Variants in BNIP3L observed in about 807,000 individuals in gnomAD.
BNIP3L encodes the protein BCL2 interacting protein 3 like, also known as BCL2/adenovirus E1B 19 kDa protein-interacting protein 3-like.
BNIP3L carries 10 observed loss-of-function variants against 25.5 expected under a neutral mutation model. That is an observed-to-expected ratio of 0.39 (90% CI 0.24 to 0.67). The LOEUF (loss-of-function observed/expected upper bound fraction) is 0.67. Among genes scored for constraint, BNIP3L ranks in the 30% least tolerant of loss-of-function variants. The pLI, the probability that BNIP3L is intolerant of heterozygous loss-of-function variation, is 0.45. For synonymous variants in BNIP3L, 113 were observed against 101.2 expected, an observed-to-expected ratio of 1.12 and a Z score of -0.70; for missense variants, 215 against 270.9, an observed-to-expected ratio of 0.79 and a Z score of 1.45.
intron 1 of BNIP3L, among the ~76,000 whole-genome samples, chr8:26,388,739 G>A (rs1806043750): frequency 6.6e-6 from 1 of 152,112 alleles, no homozygotes; most frequent in Non-Finnish European, 1.5e-5. Context: ...GGGAGGCTGA[G>A]GTGGGAGGAT....
intron 1 of BNIP3L, chr8:26,390,314 T>G: frequency 1.0e-6 from 1 of 969,348 alleles, no homozygotes; most frequent in Non-Finnish European, 1.2e-6. Context: ...GACCAATAAA[T>G]ATTTTCAAGA....
chr8:26,409,096 A>G (rs1368083868), intron 5 of BNIP3L, among the ~76,000 whole-genome samples: 1 of 151,876 alleles, frequency 6.6e-6, no homozygotes, highest in African/African-American at 2.4e-5. Context: ...AGTTTTTTTT[A>G]ATGAAACTGG....
chr8:26,401,424 G>A (rs76673604), intron 3 of BNIP3L, among the ~76,000 whole-genome samples: 9,561 of 151,340 alleles, frequency 0.063, 462 homozygotes, highest in East Asian at 0.25. Flanking sequence ...GGTGGGGAGC[G>A]GGGAGGGGGG....
At chr8:26,383,637 A>T in intron 1 of BNIP3L, 1 of 239,914 alleles carries the variant, frequency 4.2e-6, no homozygotes, top group Non-Finnish European at 6.0e-6. Flanking sequence ...ACGCCGGGGG[A>T]TGGACGCGCG....
rs549747872 is a variant in BNIP3L, at chr8:26,391,223, T to A, written c.101-20T>A. On this transcript the variant is annotated intron_variant, in intron 1 of 5. Transcript: ENST00000380629. ...AGATTTCAGTTCTGCTGTGGTTAACTTATCTGACTTGTCCAACAGGTTCCT... is the reference window on the plus strand; with the variant it reads ...AGATTTCAGTTCTGCTGTGGTTAACATATCTGACTTGTCCAACAGGTTCCT... The A allele has an allele frequency of 1.4e-5, 22 of 1,556,692 alleles. No homozygotes were observed. In the East Asian group the frequency reaches 4.7e-4, roughly 33 times the overall value.
At chr8:26,383,376 C>A (rs1805899978) in intron 1 of BNIP3L, 146 bp downstream of exon 1, 6 of 1,456,944 alleles carry the variant, frequency 4.1e-6, no homozygotes, top group African/African-American at 1.4e-5. Context: ...AGCTCCCGTC[C>A]CCTGTCAAGA....
At chr8:26,400,006 T>G (rs1806333374) in intron 3 of BNIP3L, among the ~76,000 whole-genome samples, 1 of 151,336 alleles carries the variant, frequency 6.6e-6, no homozygotes, top group African/African-American at 2.4e-5. Context: ...AATTTACAGA[T>G]TCAGTGCCAT....
chr8:26,395,091 T>C, intron 2 of BNIP3L, 139 bp from the exon 3 acceptor site: 2 of 703,710 alleles, frequency 2.8e-6, no homozygotes, highest in Non-Finnish European at 4.4e-6. Flanking sequence ...ATTTTTCTTG[T>C]ATAGGGTTAT....
intron 3 of BNIP3L, among the ~76,000 whole-genome samples, chr8:26,406,491 A>T (rs1806502046): frequency 1.3e-5 from 2 of 152,056 alleles, no homozygotes; most frequent in African/African-American, 4.8e-5. Flanking sequence ...GATTTTAATA[A>T]TTATTTTTAT....
intron 1 of BNIP3L, 77 bp downstream of exon 1, chr8:26,383,307 G>T (rs948552140): frequency 2.7e-5 from 41 of 1,537,646 alleles, no homozygotes; most frequent in Non-Finnish European, 3.5e-5. Context: ...GGCGCGGCGC[G>T]GGAGGCGGGA....
intron 3 of BNIP3L, among the ~76,000 whole-genome samples, chr8:26,396,434 T>G (rs1806248699): frequency 2.0e-5 from 2 of 101,346 alleles, no homozygotes; most frequent in Non-Finnish European, 3.9e-5. Context: ...GAAGGAAAAC[T>G]AACAAACAGA....
chr8:26,390,315 A>G, intron 1 of BNIP3L: 5 of 969,764 alleles, frequency 5.2e-6, no homozygotes, highest in Non-Finnish European at 6.1e-6. Context: ...ACCAATAAAT[A>G]TTTTCAAGAT....
In BNIP3L at chr8:26,387,779, G is replaced by A. The variant is rs73675963; in HGVS notation, c.101-3464G>A. ...ATTAAAGGAAATCTACACTTTTAAG[G>A]CTGTTAATACCTATTGTCAAATTAT... On this transcript the variant is annotated intron_variant, in intron 1 of 5. Transcript: ENST00000380629. Among the ~76,000 whole-genome samples the A allele has an allele frequency of 9.4e-3, 1,430 of 152,238 alleles. 28 individuals carry two copies. Among genetic ancestry groups the A allele is most frequent in the African/African-American group, 0.032 (1,334 of 41,542 alleles).
intron 3 of BNIP3L, chr8:26,395,722 C>T (rs955830393): frequency 1.1e-5 from 2 of 186,354 alleles, no homozygotes; most frequent in South Asian, 9.0e-5. Flanking sequence ...CCGGGTTCAT[C>T]TCACTAGGGA....
intron 3 of BNIP3L, among the ~76,000 whole-genome samples, chr8:26,400,196 G>T (rs1806338166): frequency 6.6e-6 from 1 of 151,880 alleles, no homozygotes; most frequent in Non-Finnish European, 1.5e-5. Flanking sequence ...AAAACAGCAT[G>T]GTACTGGTAC....
intron 2 of BNIP3L, among the ~76,000 whole-genome samples, chr8:26,393,987 T>G (rs942226952): frequency 5.3e-5 from 8 of 152,244 alleles, no homozygotes; most frequent in Non-Finnish European, 1.2e-4. Flanking sequence ...CTCTATACAT[T>G]AATTAACATT....
intron 3 of BNIP3L, among the ~76,000 whole-genome samples, chr8:26,398,824 G>T (rs1806306387): frequency 1.3e-5 from 2 of 152,150 alleles, no homozygotes; most frequent in South Asian, 4.1e-4. Flanking sequence ...TGGAAGAAAT[G>T]GATACATTCC....
chr8:26,409,715 G>T (rs989349166), intron 5 of BNIP3L, among the ~76,000 whole-genome samples: 2 of 152,172 alleles, frequency 1.3e-5, no homozygotes, highest in African/African-American at 4.8e-5. Context: ...TGTCTTGGCT[G>T]TAAGTATAAC....
At chr8:26,387,213 CA>C (rs1563337218) in intron 1 of BNIP3L, among the ~76,000 whole-genome samples, 1 of 152,110 alleles carries the variant, frequency 6.6e-6, no homozygotes, top group East Asian at 1.9e-4. Flanking sequence ...ATTATTGGAC[CA>C]CCCTTCACAG....
Sources: allele counts gnomAD v4.1 joint callset (sites outside exome capture counted in the v4.1 genomes callset), GRCh38; gene constraint gnomAD v4.1.1; transcripts MANE v1.5; gene names NCBI Gene and HGNC (gene_info 2026-07-23, HGNC 2026-07-21).